Variants in GPR157 observed in about 807,000 individuals in gnomAD.
GPR157 encodes the protein G-protein coupled receptor 157.
In GPR157, 16 loss-of-function variants were observed where a neutral mutation model predicts 23.5. The ratio of observed to expected loss-of-function variants is 0.68; its 90% confidence interval spans 0.46 to 1.04. The LOEUF (loss-of-function observed/expected upper bound fraction) is 1.04. Ranked by LOEUF, GPR157 falls within the 50% of genes least tolerant of loss-of-function variation. The pLI, the probability that GPR157 is intolerant of heterozygous loss-of-function variation, is 0.00. For missense variants in GPR157, 440 were observed against 460.7 expected, an observed-to-expected ratio of 0.96 and a Z score of 0.41; for synonymous variants, 200 against 221.5, an observed-to-expected ratio of 0.90 and a Z score of 0.86.
In GPR157 at chr1:9,128,256, CG is replaced by C. The variant is rs1363390328; in HGVS notation, c.383+388del. 7 of 497,052 alleles carry C rather than the reference CG, an allele frequency of 1.4e-5. No homozygotes were observed. The highest frequency in any genetic ancestry group is 1.4e-4 in the Admixed American group (6 of 43,534). The allele number at this position is 497,052 out of a possible 1,614,324, so 30.8% of individuals were successfully genotyped here. A position where few individuals can be genotyped will look rare whatever the true frequency, so the allele number is the denominator to read the frequency against. On this transcript the variant is annotated intron_variant, in intron 1 of 3. Coordinates refer to ENST00000377411, the MANE Select transcript of GPR157 (RefSeq NM_024980.5). This position sits in a 1 kb window ranked among gnomAD's most constrained non-coding sequence, Gnocchi z 6.3. ...ACTGGCAGTTGCCGGCTCTCCAGCC[CG>C]GGACAGTTACCTAACTCGTCTCCCA... is the stretch of plus-strand genomic sequence containing the variant.
rs1638739742 is a variant in GPR157 at position 9,118,807 on chromosome 1, G to C, written c.384-7318C>G. Reference sequence around the variant, plus strand: ...AATCCCAGCACTCTGGGAGGCCAAAGGATCACTTGAACCCAGGAGAGTTTG... The same window carrying C: ...AATCCCAGCACTCTGGGAGGCCAAACGATCACTTGAACCCAGGAGAGTTTG... On this transcript the variant is annotated intron_variant, in intron 1 of 3. Transcript: ENST00000377411. The surrounding 1 kb of genome is among the most constrained non-coding windows in gnomAD (Gnocchi z 4.6). Among the ~76,000 whole-genome samples, 1 of 152,144 alleles carries C rather than the reference G, an allele frequency of 6.6e-6. No homozygotes were observed. Among genetic ancestry groups the C allele is most frequent in the Non-Finnish European group, 1.5e-5 (1 of 68,026 alleles).
At chr1:9,126,710 T>C (rs904969746) in intron 1 of GPR157, among the ~76,000 whole-genome samples, 27 of 152,284 alleles carry the variant, frequency 1.8e-4, no homozygotes, top group African/African-American at 6.3e-4. Flanking sequence ...GATGAACCTG[T>C]TAGGCAGGTT....
At chr1:9,114,107 C>G (rs1284203404) in intron 1 of GPR157, among the ~76,000 whole-genome samples, 1 of 148,512 alleles carries the variant, frequency 6.7e-6, no homozygotes, top group Non-Finnish European at 1.5e-5. Context: ...GACAGGTGGA[C>G]CACCTGAGGT....
rs1642564142 is a variant in GPR157 at position 9,101,336 on chromosome 1, G to GT, written c.*3082dup. ...CTCCCAAAGTGCTGGGATTACAGGC[G>GT]TGAGCCACTGCGCCTGGCCCCCTCC... On this transcript the variant is annotated 3_prime_UTR_variant, in exon 4 of 4. Coordinates refer to ENST00000377411, the MANE Select transcript of GPR157 (RefSeq NM_024980.5). 2 of 152,028 alleles carry GT rather than the reference G, an allele frequency of 1.3e-5. No homozygotes were observed. The highest frequency in any genetic ancestry group is 1.3e-4 in the Admixed American group (2 of 15,250). 9.4% of individuals were successfully genotyped at this position (152,028 alleles called of 1,614,324 possible). A position where few individuals can be genotyped will look rare whatever the true frequency, so the allele number is the denominator to read the frequency against.
At chr1:9,113,836 G>C (rs1638569170) in intron 1 of GPR157, among the ~76,000 whole-genome samples, 3 of 151,324 alleles carry the variant, frequency 2.0e-5, no homozygotes, top group Non-Finnish European at 4.4e-5. Context: ...CCAGCTACTT[G>C]GGAGCCTGAG....
intron 1 of GPR157, among the ~76,000 whole-genome samples, chr1:9,125,308 G>T (rs1638942376): frequency 6.6e-6 from 1 of 151,880 alleles, no homozygotes; most frequent in Non-Finnish European, 1.5e-5. Context: ...CAACCTCCTG[G>T]GCTGAAGTGA....
intron 1 of GPR157, 96 bp from the exon 2 acceptor site, chr1:9,111,585 G>A: frequency 1.1e-6 from 1 of 950,640 alleles, no homozygotes; most frequent in Non-Finnish European, 1.6e-6. Context: ...CTTCAGAAAG[G>A]GGATGCTCTC....
At chr1:9,109,660 C>T (rs770031) in intron 2 of GPR157, among the ~76,000 whole-genome samples, 103,928 of 152,050 alleles carry the variant, frequency 0.68, 35,636 homozygotes, top group African/African-American at 0.72. Context: ...CCCCAAACTG[C>T]TGGGATTATG....
intron 1 of GPR157, among the ~76,000 whole-genome samples, chr1:9,117,864 G>C: frequency 6.6e-6 from 1 of 151,990 alleles, no homozygotes; most frequent in South Asian, 2.1e-4. Flanking sequence ...CCCTTCATAC[G>C]GGAAGCCACC....
In GPR157 at chr1:9,105,501, C is replaced by A; in HGVS notation, c.777G>T (p.Val259=). Residue 259 remains valine (V), a synonymous_variant, in exon 3 of 4, where the codon GTG becomes GTT. Transcript: ENST00000377411. This position sits in a 1 kb window ranked among gnomAD's most constrained non-coding sequence, Gnocchi z 4.8. ...LCGSPAVQTP[V]LVVLHGIGNT... is the part of the protein sequence containing the mutation. ...GCAGACCTACATGCAGAACCACCAG[C>A]ACCGGCGTCTGCACGGCCGGGGAGC... The A allele has an allele frequency of 6.4e-7, 1 of 1,571,204 alleles. No homozygotes were observed. The highest frequency in any genetic ancestry group is 8.6e-7 in the Non-Finnish European group (1 of 1,157,882).
At chr1:9,116,199 A>ACATATTTATATTATATATAT in intron 1 of GPR157, among the ~76,000 whole-genome samples, 9 of 9,624 alleles carry the variant, frequency 9.4e-4, no homozygotes, top group Admixed American at 2.9e-3. Flanking sequence ...TAATATAATT[A>ACATATTTATATTATATATAT]TATATATAAT....
chr1:9,119,232 C>T (rs1291890340), intron 1 of GPR157, among the ~76,000 whole-genome samples: 1 of 152,042 alleles, frequency 6.6e-6, no homozygotes, highest in Non-Finnish European at 1.5e-5. Flanking sequence ...GGGGTTTCAC[C>T]ATGTTGGCCA....
intron 1 of GPR157, among the ~76,000 whole-genome samples, chr1:9,117,052 A>G (rs1192679566): frequency 6.6e-6 from 1 of 152,050 alleles, no homozygotes; most frequent in South Asian, 2.1e-4. Context: ...ATTATTTTTC[A>G]AAATGGGATC....
At chr1:9,116,183 T>TATTATATATA (rs1638636859) in intron 1 of GPR157, among the ~76,000 whole-genome samples, 1 of 33,270 alleles carries the variant, frequency 3.0e-5, no homozygotes, top group Non-Finnish European at 4.4e-5. Context: ...ATATATATTA[T>TATTATATATA]ATATATAATA....
intron 1 of GPR157, among the ~76,000 whole-genome samples, chr1:9,111,700 A>G (rs1638500685): frequency 6.6e-6 from 1 of 152,158 alleles, no homozygotes; most frequent in African/African-American, 2.4e-5. Context: ...ATTAGAATGG[A>G]GTGACGTGGG....
chr1:9,105,486 A>G lies in GPR157; in HGVS notation c.792T>C (p.His264=), dbSNP rs1638270625. The G allele has an allele frequency of 2.6e-6, 4 of 1,559,150 alleles. No homozygotes were observed. Among genetic ancestry groups the G allele is most frequent in the Non-Finnish European group, 3.5e-6 (4 of 1,150,348 alleles). ...AVQTPVLVVL[H]GIGNTFQGGA... Reference sequence around the variant, plus strand: ...CAAGGGCCAGGGAGGGCAGACCTACATGCAGAACCACCAGCACCGGCGTCT... The same window carrying G: ...CAAGGGCCAGGGAGGGCAGACCTACGTGCAGAACCACCAGCACCGGCGTCT... The change falls in exon 3 of 4, where the codon CAT becomes CAC. Residue 264 remains histidine, a splice_region_variant and synonymous_variant. Coordinates refer to ENST00000377411, the MANE Select transcript of GPR157 (RefSeq NM_024980.5). This position sits in a 1 kb window ranked among gnomAD's most constrained non-coding sequence, Gnocchi z 4.8.
At position 9,128,748 on chromosome 1, in the gene GPR157, A is replaced by G. The variant is rs1430458729; in HGVS notation, c.280T>C (p.Phe94Leu). ...AGCGCAATGGCCACGGTCCAGAAGA[A>G]GGAGCTGGTGTTGGCGAAGGTGGAC... Reference protein sequence around the residue: ...ALSTFANTSSFFWTVAIALYL... With the variant: ...ALSTFANTSSLFWTVAIALYL... Residue 94 changes from phenylalanine to leucine, a missense_variant, in exon 1 of 4, where the codon TTC (phenylalanine) becomes CTC (leucine). Phe to Leu is a conservative substitution (Grantham distance 22). Transcript: ENST00000377411. The surrounding 1 kb of genome is among the most constrained non-coding windows in gnomAD (Gnocchi z 6.3). 1 of 1,613,100 alleles carries G rather than the reference A, an allele frequency of 6.2e-7. No homozygotes were observed. The highest frequency in any genetic ancestry group is 8.5e-7 in the Non-Finnish European group (1 of 1,179,808).
rs1642580126 is a variant in GPR157, at chr1:9,102,572, G to A, written c.*1847C>T. 6.6e-6 allele frequency: 1 copy of A among 152,096 alleles called. No individual in the cohort carries two copies. The highest frequency in any genetic ancestry group is 1.5e-5 in the Non-Finnish European group (1 of 68,022). The allele number at this position is 152,096 out of a possible 1,614,324, so 9.4% of individuals were successfully genotyped here. On this transcript the variant is annotated 3_prime_UTR_variant, in exon 4 of 4. Coordinates refer to ENST00000377411, the MANE Select transcript of GPR157 (RefSeq NM_024980.5). ...GGGATCGGCAGCACAGCGTGACTTC[G>A]GTTTTGATTCAGAACCATTTTACTA... is the stretch of plus-strand genomic sequence containing the variant.
At position 9,128,902 on chromosome 1, in the gene GPR157, C is replaced by G. The variant is rs761733097; in HGVS notation, c.126G>C (p.Leu42=). Residue 42 remains leucine, a synonymous_variant, in exon 1 of 4, where the codon CTG becomes CTC. Coordinates refer to ENST00000377411, the MANE Select transcript of GPR157 (RefSeq NM_024980.5). The surrounding 1 kb of genome is among the most constrained non-coding windows in gnomAD (Gnocchi z 6.3). ...GCAGCAGGCGCCGTGCCCGGCTGCG[C>G]AGGTCGGGCCACAGGGCGTGCGTGG... is the stretch of plus-strand genomic sequence containing the variant. ...LVATHALWPD[L]RSRARRLLLF... The G allele has an allele frequency of 1.3e-6, 2 of 1,549,040 alleles. No individual in the cohort carries two copies. The highest frequency in any genetic ancestry group is 1.2e-5 in the South Asian group (1 of 84,580).
Sources: gnomAD v4.1 joint callset for allele counts (sites outside exome capture counted in the v4.1 genomes callset) on GRCh38, gnomAD v4.1.1 for gene constraint, Gnocchi (gnomAD v3.1) non-coding constraint, MANE v1.5 for transcripts, NCBI Gene and HGNC (gene_info 2026-07-23, HGNC 2026-07-21) for gene names.